Variants in GLMN observed in about 807,000 individuals in gnomAD.
The protein encoded by GLMN is glomulin.
Under a neutral mutation model 87.8 loss-of-function variants are expected in GLMN, and 75 were observed. The observed-to-expected ratio is 0.85, with a 90% CI of 0.71 to 1.04. The LOEUF is 1.04. GLMN is among the 50% of genes least tolerant of loss of function. The probability of loss-of-function intolerance (pLI) is 0.00; values close to 1 mark genes in which losing one functional copy is unlikely to be tolerated. For synonymous variants in GLMN, 206 were observed against 221.6 expected (o/e 0.93, Z 0.63); for missense variants, 588 against 658.8 (o/e 0.89, Z 1.18).
the GLMN span, among the ~76,000 whole-genome samples, chr1:92,360,554 A>C: frequency 2.6e-5 from 4 of 152,190 alleles, no homozygotes; most frequent in African/African-American, 9.7e-5. Flanking sequence ...TTAGACAGGC[A>C]AGGCTGGAAG....
At chr1:92,323,201 T>C in the GLMN span, among the ~76,000 whole-genome samples, 1 of 150,518 alleles carries the variant, frequency 6.6e-6, no homozygotes, top group Non-Finnish European at 1.5e-5. Context: ...GGGAAAAAGA[T>C]GAAGGAAGAA....
the GLMN span, among the ~76,000 whole-genome samples, chr1:92,362,939 A>AAATC: frequency 1.3e-5 from 2 of 152,188 alleles, no homozygotes; most frequent in African/African-American, 4.8e-5. Flanking sequence ...ACATGCTCCA[A>AAATC]AATCAATCAA....
chr1:92,319,122 A>G, the GLMN span, among the ~76,000 whole-genome samples: 2 of 152,236 alleles, frequency 1.3e-5, no homozygotes, highest in Admixed American at 6.5e-5. Flanking sequence ...AAATGCCTTT[A>G]TATACAGACT....
chr1:92,364,023 AGT>A, the GLMN span, among the ~76,000 whole-genome samples: 41 of 152,166 alleles, frequency 2.7e-4, no homozygotes, highest in African/African-American at 9.4e-4. Context: ...GGAGGGGGTC[AGT>A]GTCCCTAATG....
intron 15 of GLMN, 94 bp downstream of exon 15, chr1:92,263,529 A>G (rs1288316260): frequency 1.3e-6 from 1 of 775,872 alleles, no homozygotes; most frequent in Non-Finnish European, 2.4e-6. Flanking sequence ...ATAAAATCAC[A>G]GGAAAAGACA....
At chr1:92,351,719 A>T in the GLMN span, among the ~76,000 whole-genome samples, 1 of 152,178 alleles carries the variant, frequency 6.6e-6, no homozygotes, top group South Asian at 2.1e-4. Context: ...AGCCAAAGAG[A>T]AGACATATAG....
intron 6 of GLMN, among the ~76,000 whole-genome samples, chr1:92,287,094 T>C (rs1188946836): frequency 1.3e-5 from 2 of 152,178 alleles, no homozygotes; most frequent in African/African-American, 4.8e-5. Context: ...GAGAACACCT[T>C]GCTAGACTCA....
chr1:92,302,451 A>G (rs796195542), upstream of GLMN, among the ~76,000 whole-genome samples: 86 of 151,926 alleles, frequency 5.7e-4, 1 homozygote, highest in African/African-American at 2.0e-3. Flanking sequence ...AGTTTTCTAT[A>G]TTCTGTGTTG....
the GLMN span, among the ~76,000 whole-genome samples, chr1:92,367,615 A>T: frequency 6.6e-6 from 1 of 152,256 alleles, no homozygotes; most frequent in African/African-American, 2.4e-5. Context: ...TAATCAGCAG[A>T]ACAGGTCTCC....
At chr1:92,255,361 T>C (rs995949394) in intron 16 of GLMN, among the ~76,000 whole-genome samples, 2 of 151,826 alleles carry the variant, frequency 1.3e-5, no homozygotes, top group African/African-American at 2.4e-5. Context: ...AGACAGAAAA[T>C]TAACAACGAT....
the GLMN span, among the ~76,000 whole-genome samples, chr1:92,335,232 C>T: frequency 6.6e-6 from 1 of 152,134 alleles, no homozygotes; most frequent in Non-Finnish European, 1.5e-5. Flanking sequence ...TATGCCACTG[C>T]ACTCCAGCCT....
chr1:92,341,217 C>A, the GLMN span, among the ~76,000 whole-genome samples: 4 of 152,076 alleles, frequency 2.6e-5, no homozygotes, highest in African/African-American at 9.7e-5. Context: ...CCATGTTGCC[C>A]AGGCTGGTCT....
the GLMN span, among the ~76,000 whole-genome samples, chr1:92,354,686 T>G: frequency 1.2e-4 from 19 of 152,050 alleles, no homozygotes; most frequent in Non-Finnish European, 1.8e-4. Context: ...TAATCAAAGT[T>G]TTTATCTCTG....
chr1:92,356,878 C>T, the GLMN span, among the ~76,000 whole-genome samples: 1 of 151,812 alleles, frequency 6.6e-6, no homozygotes, highest in African/African-American at 2.4e-5. Context: ...ACCTGGCCAA[C>T]ATGGTTAAAG....
chr1:92,302,671 T>G (rs1266009315), upstream of GLMN, among the ~76,000 whole-genome samples: 1 of 136,146 alleles, frequency 7.3e-6, no homozygotes, highest in Non-Finnish European at 1.6e-5. Flanking sequence ...GCGGGATCTC[T>G]GCTCACTGCA....
rs1252168543 is a variant in GLMN at position 92,269,772 on chromosome 1, A to G, written c.928T>C (p.Leu310=). ...CCCATATTAAACTGCAAAAGGTACA[A>G]TGGGCTAAAATAGAAACAAAACAAA... The part of the protein sequence containing the change: ...IDQLPMVLSP[L]YLLQFNMGHI... The change falls in exon 9 of 19, where the codon TTG becomes CTG. Residue 310 remains leucine, a synonymous_variant. Coordinates refer to ENST00000370360, the MANE Select transcript of GLMN (RefSeq NM_053274.3). The G allele has an allele frequency of 6.3e-7, 1 of 1,593,884 alleles. No homozygotes were observed. The highest frequency in any genetic ancestry group is 1.1e-5 in the South Asian group (1 of 90,724).
the GLMN span, among the ~76,000 whole-genome samples, chr1:92,307,726 A>T: frequency 2.7e-5 from 4 of 150,212 alleles, no homozygotes; most frequent in Non-Finnish European, 5.9e-5. Flanking sequence ...TTAAAAAGTA[A>T]TTTTTTTTTT....
intron 7 of GLMN, among the ~76,000 whole-genome samples, chr1:92,272,663 A>T (rs1328454192): frequency 1.3e-5 from 2 of 152,192 alleles, no homozygotes; most frequent in Non-Finnish European, 2.9e-5. Flanking sequence ...AACGCTGGGC[A>T]GGGCAGCTGG....
chr1:92,313,402 C>T, the GLMN span, among the ~76,000 whole-genome samples: 54 of 151,208 alleles, frequency 3.6e-4, 2 homozygotes, highest in South Asian at 0.011. Context: ...TCTTGGGTGG[C>T]TAGGTACATT....
Sources: gnomAD v4.1 joint callset for allele counts (sites outside exome capture counted in the v4.1 genomes callset) on GRCh38, gnomAD v4.1.1 for gene constraint, MANE v1.5 for transcripts, NCBI Gene and HGNC (gene_info 2026-07-23, HGNC 2026-07-21) for gene names.